The following POU6F2 variants were observed in gnomAD, a reference collection of about 807,000 sequenced individuals.
POU6F2 encodes POU class 6 homeobox 2.
POU6F2 carries 31 observed loss-of-function variants against 71.3 expected under a neutral mutation model. The ratio of observed to expected loss-of-function variants is 0.43; its 90% confidence interval spans 0.33 to 0.59. The LOEUF (loss-of-function observed/expected upper bound fraction) is 0.59. Among genes scored for constraint, POU6F2 ranks in the 20% least tolerant of loss-of-function variants. The pLI is 0.04. For synonymous variants in POU6F2, 347 were observed against 355.7 expected, an observed-to-expected ratio of 0.98 and a Z score of 0.27; for missense variants, 783 against 856.8, an observed-to-expected ratio of 0.91 and a Z score of 1.07.
At chr7:39,278,247 G>C (rs1363756161) in intron 4 of POU6F2, among the ~76,000 whole-genome samples, 1 of 152,082 alleles carries the variant, frequency 6.6e-6, no homozygotes, top group Non-Finnish European at 1.5e-5. Flanking sequence ...GGATCCATGG[G>C]ACACTTTGGC....
At chr7:39,069,841 G>T (rs1349319557) in intron 1 of POU6F2, among the ~76,000 whole-genome samples, 4 of 152,198 alleles carry the variant, frequency 2.6e-5, no homozygotes, top group Non-Finnish European at 5.9e-5. Flanking sequence ...GGAGGAGGAA[G>T]GGTAGAAGCC....
chr7:39,242,845 T>G (rs1783751964), intron 4 of POU6F2, among the ~76,000 whole-genome samples: 1 of 152,106 alleles, frequency 6.6e-6, no homozygotes, highest in African/African-American at 2.4e-5. Flanking sequence ...AACTTAATCT[T>G]CACACCACCT....
chr7:39,096,075 G>A (rs1457421917), intron 2 of POU6F2, among the ~76,000 whole-genome samples: 2 of 152,082 alleles, frequency 1.3e-5, no homozygotes, highest in Non-Finnish European at 2.9e-5. Context: ...TATAGAACCA[G>A]AAACAGCAGG....
intron 2 of POU6F2, among the ~76,000 whole-genome samples, chr7:39,101,983 T>C (rs1487018633): frequency 1.3e-5 from 2 of 152,210 alleles, no homozygotes; most frequent in Non-Finnish European, 2.9e-5. Flanking sequence ...TTACACTATC[T>C]TTTGGAAGGA....
intron 5 of POU6F2, among the ~76,000 whole-genome samples, chr7:39,357,612 G>A (rs1786287429): frequency 6.6e-6 from 1 of 152,154 alleles, no homozygotes; most frequent in Admixed American, 6.5e-5. Flanking sequence ...TTTACCCCAA[G>A]CCCATCACCA....
intron 2 of POU6F2, among the ~76,000 whole-genome samples, chr7:39,188,321 A>C (rs1793588740): frequency 6.6e-6 from 1 of 151,932 alleles, no homozygotes; most frequent in Non-Finnish European, 1.5e-5. Flanking sequence ...CTTTTTTTAA[A>C]ATTTTTTTTG....
chr7:39,092,584 A>C (rs181412432), intron 2 of POU6F2, among the ~76,000 whole-genome samples: 1 of 152,134 alleles, frequency 6.6e-6, no homozygotes, highest in Non-Finnish European at 1.5e-5. Flanking sequence ...GAATACCTTC[A>C]AGTAATATTT....
chr7:39,422,999 T>C (rs80248447), intron 6 of POU6F2, among the ~76,000 whole-genome samples: 208 of 152,340 alleles, frequency 1.4e-3, no homozygotes, highest in African/African-American at 4.7e-3. Flanking sequence ...TTAATTTCCA[T>C]ATCTGTAGAA....
At chr7:39,063,730 T>A (rs1430072938) in intron 1 of POU6F2, among the ~76,000 whole-genome samples, 1 of 151,872 alleles carries the variant, frequency 6.6e-6, no homozygotes, top group African/African-American at 2.4e-5. Context: ...TCATTTTTTT[T>A]AAATGACAAA....
intron 2 of POU6F2, among the ~76,000 whole-genome samples, chr7:39,180,636 T>A (rs1006948503): frequency 1.3e-5 from 2 of 152,292 alleles, no homozygotes; most frequent in East Asian, 1.9e-4. Flanking sequence ...GCTGGCTTCA[T>A]GGCTGTGTGA....
rs368089291 is a variant in POU6F2, at chr7:39,401,288, C to T, written c.973-5312C>T. 3.7e-4 allele frequency among the ~76,000 whole-genome samples: 56 copies of T among 152,336 alleles called. 2 individuals are homozygous for T. The highest frequency in any genetic ancestry group is 1.3e-3 in the African/African-American group (52 of 41,574). On this transcript the variant is annotated intron_variant, in intron 5 of 9. Transcript: ENST00000518318. ...AGTTGGCAGAGAGTGGGAAGGTCAG[C>T]ATCTAACACATTGCCACCACTACAG...
chr7:39,178,266 C>A (rs1490471890), intron 2 of POU6F2, among the ~76,000 whole-genome samples: 4 of 151,996 alleles, frequency 2.6e-5, no homozygotes, highest in African/African-American at 7.2e-5. Flanking sequence ...ACAAAAAAAA[C>A]AAAAACTTTC....
At position 39,451,651 on chromosome 7, in the gene POU6F2, C is replaced by T. The variant is rs368375577; in HGVS notation, c.1439C>T (p.Ser480Phe). ...QSPVRQASSSSSSSSSSSALS... is the reference protein window; with the variant it reads ...QSPVRQASSSFSSSSSSSALS... ...CCCGTCCGGCAGGCTTCCTCTTCTTCCTCCTCATCCTCCTCTTCTTCAGCT... is the reference window on the plus strand; with the variant it reads ...CCCGTCCGGCAGGCTTCCTCTTCTTTCTCCTCATCCTCCTCTTCTTCAGCT... Residue 480 changes from serine to phenylalanine, a missense_variant, in exon 8 of 10, where the codon TCC (serine) becomes TTC (phenylalanine). Around this residue, in one of 2 missense-constraint regions of POU6F2, gnomAD observed 572 missense variants for 572.9 expected, o/e 1.00. Transcript: ENST00000518318. 2 of 1,611,094 alleles carry T rather than the reference C, an allele frequency of 1.2e-6. No individual in the cohort carries two copies. The highest frequency in any genetic ancestry group is 8.5e-7 in the Non-Finnish European group (1 of 1,178,658).
intron 2 of POU6F2, among the ~76,000 whole-genome samples, chr7:39,124,998 G>A (rs1436813605): frequency 2.0e-5 from 3 of 152,020 alleles, no homozygotes; most frequent in Non-Finnish European, 4.4e-5. Context: ...AATGTTAGAT[G>A]TCCTTTAATA....
intron 1 of POU6F2, among the ~76,000 whole-genome samples, chr7:39,066,065 C>T (rs1790748592): frequency 1.3e-5 from 2 of 151,728 alleles, no homozygotes. Context: ...CCAAATTCGG[C>T]TTGACAGTTA....
intron 2 of POU6F2, among the ~76,000 whole-genome samples, chr7:39,118,188 G>T (rs1486846375): frequency 6.6e-6 from 1 of 152,098 alleles, no homozygotes; most frequent in Non-Finnish European, 1.5e-5. Flanking sequence ...CCAGCAAAAT[G>T]ACTCCTTCTC....
chr7:39,431,393 G>T (rs1285184689), intron 6 of POU6F2, among the ~76,000 whole-genome samples: 1 of 152,248 alleles, frequency 6.6e-6, no homozygotes, highest in African/African-American at 2.4e-5. Context: ...GGTTCCAGCT[G>T]CATCTGGAGT....
intron 2 of POU6F2, among the ~76,000 whole-genome samples, chr7:39,194,948 G>A (rs1173107890): frequency 3.3e-5 from 5 of 152,012 alleles, no homozygotes; most frequent in African/African-American, 4.8e-5. Context: ...GAGAAACTCC[G>A]GACACATCTG....
intron 4 of POU6F2, among the ~76,000 whole-genome samples, chr7:39,282,302 T>C (rs1784576052): frequency 6.6e-6 from 1 of 152,126 alleles, no homozygotes; most frequent in Admixed American, 6.5e-5. Context: ...GGTATAGTCC[T>C]ATCTGTCTAT....
Sources: gnomAD v4.1 joint callset for allele counts (sites outside exome capture counted in the v4.1 genomes callset) on GRCh38, gnomAD v4.1.1 for gene constraint, gnomAD v4.1.1 regional missense constraint, MANE v1.5 for transcripts, NCBI Gene and HGNC (gene_info 2026-07-23, HGNC 2026-07-21) for gene names.